JMJD1C: variants seen among roughly 807,000 people sequenced by gnomAD.
JMJD1C encodes the protein jumonji domain containing 1C.
Under a neutral mutation model 245.3 loss-of-function variants are expected in JMJD1C, and 31 were observed. The observed-to-expected ratio is 0.13, with a 90% CI of 0.09 to 0.17. JMJD1C has a LOEUF of 0.17. JMJD1C is among the 10% of genes least tolerant of loss of function. JMJD1C has a pLI of 1.00. For synonymous variants in JMJD1C, 1,057 were observed against 1,017.4 expected (o/e 1.04, Z -0.74); for missense variants, 2,691 against 3,000.2 (o/e 0.90, Z 2.41).
chr10:63,408,425 C>A (rs189178012), intron 1 of JMJD1C, among the ~76,000 whole-genome samples: 6 of 151,386 alleles, frequency 4.0e-5, no homozygotes, highest in African/African-American at 1.5e-4. Flanking sequence ...AGATAAAAAT[C>A]AATGTACATC....
At chr10:63,245,163 AT>A (rs1318597488) in intron 3 of JMJD1C, among the ~76,000 whole-genome samples, 2 of 148,342 alleles carry the variant, frequency 1.3e-5, no homozygotes, top group Non-Finnish European at 3.0e-5. Context: ...AAAAAGAGAG[AT>A]TAAAAAAAAT....
chr10:63,198,833 T>C, intron 11 of JMJD1C, 106 bp from the exon 12 acceptor site: 2 of 586,582 alleles, frequency 3.4e-6, no homozygotes, highest in South Asian at 3.0e-5. Context: ...TTATAAAATA[T>C]GAATTACATT....
At chr10:63,216,922 T>G (rs1413420973) in intron 5 of JMJD1C, among the ~76,000 whole-genome samples, 1 of 152,160 alleles carries the variant, frequency 6.6e-6, no homozygotes, top group Non-Finnish European at 1.5e-5. Flanking sequence ...GAAAGAAAAT[T>G]TTAGCTCATC....
chr10:63,291,961 G>C (rs1858790121), intron 2 of JMJD1C, among the ~76,000 whole-genome samples: 1 of 151,826 alleles, frequency 6.6e-6, no homozygotes, highest in Non-Finnish European at 1.5e-5. Flanking sequence ...GTATGTGTGT[G>C]TGTATTTGAG....
chr10:63,235,835 T>C (rs1197924361), intron 3 of JMJD1C, among the ~76,000 whole-genome samples: 1 of 152,202 alleles, frequency 6.6e-6, no homozygotes, highest in Non-Finnish European at 1.5e-5. Context: ...TTTTGCATGC[T>C]CTCTGCTAGG....
intron 1 of JMJD1C, among the ~76,000 whole-genome samples, chr10:63,392,044 T>C (rs777455536): frequency 4.6e-5 from 7 of 152,196 alleles, no homozygotes; most frequent in African/African-American, 1.4e-4. Flanking sequence ...CGCAATTTCC[T>C]CAGTTACAAT....
chr10:63,338,120 C>T (rs1943020032), intron 2 of JMJD1C, among the ~76,000 whole-genome samples: 2 of 152,106 alleles, frequency 1.3e-5, no homozygotes, highest in East Asian at 1.9e-4. Context: ...ATCTGGAGCT[C>T]TTTAGAGTAA....
At position 63,514,777 on chromosome 10, in the gene JMJD1C, A is replaced by G. The variant is rs555115620; in HGVS notation, n.113+6961T>C. Among the ~76,000 whole-genome samples the G allele has an allele frequency of 2.0e-5, 3 of 152,226 alleles. No homozygotes were observed. In the South Asian group the frequency reaches 6.2e-4, roughly 32 times the overall value. ...ACATGTACCCCAGAATCTAAAATAA[A>G]AGCTTAAAAAAAAAGTAAAAATACG... On this transcript the variant is annotated intron_variant and non_coding_transcript_variant, in intron 1 of 3. Coordinates refer to the JMJD1C transcript ENST00000633035.
rs562064797 is a variant in JMJD1C at position 63,510,293 on chromosome 10, G to A, written n.113+11445C>T. Reference sequence around the variant, plus strand: ...GCTGGGACTACAGGCATGAGCCACCGCGCTCGGCCAATTTTGGATCTTTCA... The same window carrying A: ...GCTGGGACTACAGGCATGAGCCACCACGCTCGGCCAATTTTGGATCTTTCA... On this transcript the variant is annotated intron_variant and non_coding_transcript_variant, in intron 1 of 3. Transcript: ENST00000633035. Among the ~76,000 whole-genome samples the A allele has an allele frequency of 1.3e-4, 20 of 152,210 alleles. No homozygotes were observed. The East Asian group carries it at 1.9e-3, about 15-fold the overall frequency.
chr10:63,457,040 C>T (rs1368879114), intron 1 of JMJD1C, among the ~76,000 whole-genome samples: 5 of 152,124 alleles, frequency 3.3e-5, no homozygotes, highest in Admixed American at 3.3e-4. Flanking sequence ...TAAAACAAAA[C>T]TATGTCTGCA....
chr10:63,300,919 G>A (rs1352094234), intron 2 of JMJD1C, among the ~76,000 whole-genome samples: 1 of 151,614 alleles, frequency 6.6e-6, no homozygotes, highest in Non-Finnish European at 1.5e-5. Context: ...TTCATTAAGA[G>A]ACAACCATCT....
chr10:63,519,415 T>A (rs985355615), intron 1 of JMJD1C, among the ~76,000 whole-genome samples: 13 of 152,228 alleles, frequency 8.5e-5, no homozygotes, highest in Non-Finnish European at 1.6e-4. Flanking sequence ...ATCTGATGCC[T>A]AAAGAGTGAC....
At chr10:63,350,132 C>A (rs1944222414) in intron 2 of JMJD1C, among the ~76,000 whole-genome samples, 1 of 152,136 alleles carries the variant, frequency 6.6e-6, no homozygotes, top group African/African-American at 2.4e-5. Context: ...ATCTCACAAC[C>A]AAATACTTTT....
chr10:63,296,710 T>C (rs912076755), intron 2 of JMJD1C, among the ~76,000 whole-genome samples: 5 of 152,228 alleles, frequency 3.3e-5, no homozygotes, highest in African/African-American at 1.2e-4. Flanking sequence ...AAATAATTTT[T>C]AGTGAGTAGG....
At chr10:63,500,835 AGATGGATG>A (rs547870279) in intron 1 of JMJD1C, among the ~76,000 whole-genome samples, 2 of 151,598 alleles carry the variant, frequency 1.3e-5, no homozygotes, top group Non-Finnish European at 2.9e-5. Context: ...ATGGATGCAC[AGATGGATG>A]GATGGATGGA....
chr10:63,224,756 G>A (rs967981773), intron 3 of JMJD1C, among the ~76,000 whole-genome samples: 10 of 151,948 alleles, frequency 6.6e-5, no homozygotes, highest in Non-Finnish European at 8.8e-5. Flanking sequence ...CCTTGAGCTC[G>A]TGTGAGATTA....
chr10:63,515,137 G>C (rs569435202), intron 1 of JMJD1C, among the ~76,000 whole-genome samples: 4 of 152,138 alleles, frequency 2.6e-5, no homozygotes, highest in Non-Finnish European at 5.9e-5. Flanking sequence ...AGGGTGGCTG[G>C]AGAGGGCTGA....
Position 63,465,712 on chromosome 10 carries a change from A to G in JMJD1C, c.-50T>C. 2 of 1,594,396 alleles carry G rather than the reference A, an allele frequency of 1.3e-6. No homozygotes were observed. The highest frequency in any genetic ancestry group is 1.7e-6 in the Non-Finnish European group (2 of 1,173,966). Reference sequence around the variant, plus strand: ...TGCCTCCTCCAGTGCGAGGGAACCGATGAAACCTCACTCCTACCGGCCGCT... The same window carrying G: ...TGCCTCCTCCAGTGCGAGGGAACCGGTGAAACCTCACTCCTACCGGCCGCT... On this transcript the variant is annotated 5_prime_UTR_variant, in exon 1 of 26. Coordinates refer to ENST00000399262, the MANE Select transcript of JMJD1C (RefSeq NM_032776.3).
At position 63,193,365 on chromosome 10, in the gene JMJD1C, T is replaced by A; in HGVS notation, c.5842A>T (p.Thr1948Ser). Residue 1948 changes from threonine (T) to serine (S), a missense_variant, in exon 15 of 26, where the codon ACA becomes TCA. This residue lies in a region of JMJD1C where 275 missense variants were observed against 285.5 expected (regional missense o/e 0.96). Coordinates refer to ENST00000399262, the MANE Select transcript of JMJD1C (RefSeq NM_032776.3). ...KQNLQVGNFP[T>S]MNGVSQVLQN... ...CTCACTTGAGATACACCATTCATTG[T>A]AGGAAAATTTCCAACTTGTAAATTC... 4 of 1,600,176 alleles carry A rather than the reference T, an allele frequency of 2.5e-6. No homozygotes were observed. The South Asian group carries it at 4.6e-5, about 18-fold the overall frequency.
Sources: gnomAD v4.1 joint callset for allele counts (sites outside exome capture counted in the v4.1 genomes callset) on GRCh38, gnomAD v4.1.1 for gene constraint, gnomAD v4.1.1 regional missense constraint, MANE v1.5 for transcripts, NCBI Gene and HGNC (gene_info 2026-07-23, HGNC 2026-07-21) for gene names.